CACNA2D3: variants seen among roughly 807,000 people sequenced by gnomAD.
The protein encoded by CACNA2D3 is calcium voltage-gated channel auxiliary subunit alpha2delta 3.
In CACNA2D3, 60 loss-of-function variants were observed where a neutral mutation model predicts 160.6. The ratio of observed to expected loss-of-function variants is 0.37; its 90% confidence interval spans 0.30 to 0.46. The LOEUF is 0.46. Among genes scored for constraint, CACNA2D3 ranks in the 20% least tolerant of loss-of-function variants. The pLI, the probability that CACNA2D3 is intolerant of heterozygous loss-of-function variation, is 1.00. For synonymous variants in CACNA2D3, 558 were observed against 492.9 expected (o/e 1.13, Z -1.75); for missense variants, 1,205 against 1,365.0 (o/e 0.88, Z 1.85).
intron 35 of CACNA2D3, among the ~76,000 whole-genome samples, chr3:55,069,953 G>A (rs1704762495): frequency 6.6e-6 from 1 of 151,808 alleles, no homozygotes; most frequent in Non-Finnish European, 1.5e-5. Context: ...GTTAATTTAT[G>A]TCAGTAAGCT....
intron 4 of CACNA2D3, among the ~76,000 whole-genome samples, chr3:54,489,187 G>T (rs764598845): frequency 1.3e-5 from 2 of 152,058 alleles, no homozygotes; most frequent in Non-Finnish European, 2.9e-5. Context: ...CTAAGAGCAG[G>T]AAAAAGTCCC....
At chr3:54,343,495 GCTGGTCTCAAACTCC>G (rs1323755364) in intron 3 of CACNA2D3, among the ~76,000 whole-genome samples, 1 of 152,038 alleles carries the variant, frequency 6.6e-6, no homozygotes, top group African/African-American at 2.4e-5. Context: ...TGTGGCCCAG[GCTGGTCTCAAACTCC>G]AGAGCTCAAG....
intron 2 of CACNA2D3, among the ~76,000 whole-genome samples, chr3:54,218,740 C>T (rs1463484858): frequency 6.6e-6 from 1 of 152,156 alleles, no homozygotes; most frequent in Non-Finnish European, 1.5e-5. Flanking sequence ...AAAATGTCAG[C>T]AGATCTCTGT....
intron 35 of CACNA2D3, among the ~76,000 whole-genome samples, chr3:55,073,070 A>G (rs1173186130): frequency 3.9e-5 from 6 of 152,228 alleles, no homozygotes; most frequent in Non-Finnish European, 8.8e-5. Context: ...TTAGAGGAAC[A>G]TCAAATGTAA....
chr3:54,186,384 G>T (rs1047115873), intron 2 of CACNA2D3, among the ~76,000 whole-genome samples: 1 of 152,160 alleles, frequency 6.6e-6, no homozygotes, highest in Admixed American at 6.5e-5. Flanking sequence ...CAAGATATAT[G>T]CATCTTGGGT....
At chr3:54,802,957 A>G (rs939299893) in intron 13 of CACNA2D3, among the ~76,000 whole-genome samples, 14 of 152,248 alleles carry the variant, frequency 9.2e-5, no homozygotes, top group African/African-American at 3.1e-4. Context: ...CAGGGTCTGA[A>G]GTGGACCTCT....
At chr3:54,864,705 A>G (rs769178004) in intron 17 of CACNA2D3, among the ~76,000 whole-genome samples, 9 of 152,174 alleles carry the variant, frequency 5.9e-5, no homozygotes, top group Non-Finnish European at 1.2e-4. Flanking sequence ...GTGACTGTTA[A>G]TGGGTCTTCT....
chr3:54,818,574 T>C (rs1044732668), intron 14 of CACNA2D3, among the ~76,000 whole-genome samples: 5 of 152,240 alleles, frequency 3.3e-5, no homozygotes, highest in African/African-American at 9.6e-5. Flanking sequence ...ACTTACTTCA[T>C]TGCATTCACT....
intron 29 of CACNA2D3, among the ~76,000 whole-genome samples, chr3:54,982,041 G>C (rs1702519729): frequency 6.6e-6 from 1 of 152,160 alleles, no homozygotes; most frequent in South Asian, 2.1e-4. Flanking sequence ...CGGTAGTGAA[G>C]GGATGTTTTC....
chr3:54,604,548 C>T (rs1405592497), intron 9 of CACNA2D3, among the ~76,000 whole-genome samples: 1 of 152,184 alleles, frequency 6.6e-6, no homozygotes, highest in Non-Finnish European at 1.5e-5. Context: ...GACTCAGACC[C>T]CAAATCCTAG....
At position 54,123,407 on chromosome 3, in the gene CACNA2D3, A is replaced by C. The variant is rs1699517211; in HGVS notation, c.123-106A>C. ...CTTTTCTTCTTTTAAAACATGTTACATCGCACTGCTCCTTCAGCCATAGTC... is the reference window on the plus strand; with the variant it reads ...CTTTTCTTCTTTTAAAACATGTTACCTCGCACTGCTCCTTCAGCCATAGTC... On this transcript the variant is annotated intron_variant, in intron 1 of 37. Coordinates refer to ENST00000474759, the MANE Select transcript of CACNA2D3 (RefSeq NM_018398.3). 3.7e-6 allele frequency: 3 copies of C among 814,250 alleles called. No homozygotes were observed. In the South Asian group the frequency reaches 4.1e-5, roughly 11 times the overall value. The allele number at this position is 814,250 out of a possible 1,614,324, so 50.4% of individuals were successfully genotyped here.
intron 4 of CACNA2D3, among the ~76,000 whole-genome samples, chr3:54,468,971 C>G (rs1184369004): frequency 6.6e-6 from 1 of 152,170 alleles, no homozygotes; most frequent in East Asian, 1.9e-4. Context: ...TAAAGAGCAC[C>G]TGGGGGATGG....
intron 5 of CACNA2D3, among the ~76,000 whole-genome samples, chr3:54,508,904 C>T (rs577634087): frequency 9.9e-4 from 151 of 152,266 alleles, no homozygotes; most frequent in African/African-American, 3.6e-3. Context: ...TGTTACAGTC[C>T]AATAGGTTCT....
At chr3:54,871,220 C>T (rs1280613175) in intron 17 of CACNA2D3, among the ~76,000 whole-genome samples, 1 of 68,582 alleles carries the variant, frequency 1.5e-5, no homozygotes, top group Non-Finnish European at 2.8e-5. Context: ...CACACACACA[C>T]ACACCCCCCA....
intron 2 of CACNA2D3, among the ~76,000 whole-genome samples, chr3:54,249,222 T>A (rs1240262386): frequency 6.6e-6 from 1 of 152,194 alleles, no homozygotes; most frequent in Non-Finnish European, 1.5e-5. Context: ...TTTACAGAGA[T>A]GCGTGCGGGT....
In CACNA2D3 at chr3:54,698,356, T is replaced by C. The variant is rs563469067; in HGVS notation, c.1168-54243T>C. On this transcript the variant is annotated intron_variant, in intron 11 of 37. Transcript: ENST00000474759. ...CACAGTTCAGTTTTCCTTTGAACTT[T>C]TTCAAAAGAGCTGGCTTCCAGACAG... Among the ~76,000 whole-genome samples the C allele has an allele frequency of 4.0e-4, 61 of 152,338 alleles. 1 individual carries two copies. The highest frequency in any genetic ancestry group is 6.8e-3 in the Middle Eastern group (2 of 294).
intron 11 of CACNA2D3, among the ~76,000 whole-genome samples, chr3:54,679,477 G>C (rs1466678850): frequency 6.6e-6 from 1 of 152,188 alleles, no homozygotes; most frequent in African/African-American, 2.4e-5. Context: ...CCCTGGGAGA[G>C]CTGGGGCAGC....
Position 54,391,509 on chromosome 3 carries a change from T to C in CACNA2D3, c.381+4735T>C, listed in dbSNP as rs560951552. ...CGGGGTGGCTTTCTTTCTTTCTTTC[T>C]TTCTTTCTTTTTTTTTTTTGAGACA... On this transcript the variant is annotated intron_variant, in intron 4 of 37. Transcript: ENST00000474759. Among the ~76,000 whole-genome samples the C allele has an allele frequency of 3.4e-4, 52 of 151,108 alleles. No homozygotes were observed. In the East Asian group the frequency reaches 0.01, roughly 30 times the overall value.
At chr3:54,838,497 T>G in intron 15 of CACNA2D3, 71 bp from the exon 16 acceptor site, 5 of 1,240,804 alleles carry the variant, frequency 4.0e-6, no homozygotes, top group Non-Finnish European at 5.9e-6. Flanking sequence ...GGTATGTGAC[T>G]TCTCGTGAGA....
Sources: gnomAD v4.1 joint callset for allele counts (sites outside exome capture counted in the v4.1 genomes callset) on GRCh38, gnomAD v4.1.1 for gene constraint, MANE v1.5 for transcripts, NCBI Gene and HGNC (gene_info 2026-07-23, HGNC 2026-07-21) for gene names.